CECR2: variants seen among roughly 807,000 people sequenced by gnomAD.
CECR2 encodes the protein CECR2 histone acetyl-lysine reader, also known as chromatin remodeling regulator CECR2.
A neutral mutation model predicts 154.5 loss-of-function variants in CECR2; 30 were observed. That is an observed-to-expected ratio of 0.19 (90% CI 0.15 to 0.26). CECR2 has a LOEUF of 0.26. CECR2 is among the 10% of genes least tolerant of loss of function. CECR2 has a pLI of 1.00. For synonymous variants in CECR2, 725 were observed against 683.7 expected (o/e 1.06, Z -0.94); for missense variants, 1,743 against 1,829.3 (o/e 0.95, Z 0.86).
intron 1 of CECR2, among the ~76,000 whole-genome samples, chr22:17,390,330 G>A (rs895356605): frequency 6.6e-6 from 1 of 152,202 alleles, no homozygotes; most frequent in African/African-American, 2.4e-5. Flanking sequence ...CGTGCCCTTG[G>A]TGCATAGTAT....
chr22:17,454,083 G>A (rs2054815097), intron 1 of CECR2, among the ~76,000 whole-genome samples: 1 of 152,150 alleles, frequency 6.6e-6, no homozygotes, highest in South Asian at 2.1e-4. Context: ...TTGTAAAATG[G>A]ACCAGTGCAT....
chr22:17,493,536 G>C (rs1167139758), intron 2 of CECR2, among the ~76,000 whole-genome samples: 1 of 152,122 alleles, frequency 6.6e-6, no homozygotes. Flanking sequence ...TAGATTTCTA[G>C]GAGAAGGTTG....
Position 17,541,943 on chromosome 22 carries a change from G to A in CECR2, c.1989G>A (p.Gln663=), listed in dbSNP as rs1399081918. Residue 663 remains glutamine (Q), a synonymous_variant, in exon 15 of 19, where the codon CAG becomes CAA. Transcript: ENST00000262608. ...AGCCACACCCCGGGGAGCCTGTGCA[G>A]CAGCGTCAGCCTTTCACCATGCAGG... is the stretch of plus-strand genomic sequence containing the variant. The part of the protein sequence containing the change: ...VPEPHPGEPV[Q]QRQPFTMQPP... 5 of 1,613,728 alleles carry A rather than the reference G, an allele frequency of 3.1e-6. No homozygotes were observed. Among genetic ancestry groups the A allele is most frequent in the African/African-American group, 1.3e-5 (1 of 74,930 alleles).
At chr22:17,361,035 T>G (rs2062974189) in intron 1 of CECR2, among the ~76,000 whole-genome samples, 2 of 151,984 alleles carry the variant, frequency 1.3e-5, no homozygotes, top group South Asian at 4.1e-4. Flanking sequence ...TCGTGGTGTG[T>G]GCATGTGGTC....
intron 2 of CECR2, among the ~76,000 whole-genome samples, chr22:17,492,936 C>T (rs965990743): frequency 6.6e-6 from 1 of 152,060 alleles, no homozygotes; most frequent in African/African-American, 2.4e-5. Context: ...CACAGTGCCA[C>T]TGTTCTTTTT....
chr22:17,456,369 A>G (rs541194357), intron 1 of CECR2, among the ~76,000 whole-genome samples: 27 of 152,248 alleles, frequency 1.8e-4, no homozygotes, highest in African/African-American at 6.3e-4. Context: ...CCATTCTTCT[A>G]AGAGGTGAAA....
intron 1 of CECR2, among the ~76,000 whole-genome samples, chr22:17,447,940 A>G (rs2054703526): frequency 6.6e-6 from 1 of 152,080 alleles, no homozygotes; most frequent in African/African-American, 2.4e-5. Flanking sequence ...TGTGTTGGAC[A>G]GTGCAAATAG....
At chr22:17,438,342 A>G (rs916564440) in intron 1 of CECR2, among the ~76,000 whole-genome samples, 16 of 148,048 alleles carry the variant, frequency 1.1e-4, no homozygotes, top group African/African-American at 3.9e-4. Flanking sequence ...TTCCTTTCTC[A>G]TCACATGTTT....
intron 7 of CECR2, among the ~76,000 whole-genome samples, chr22:17,511,446 G>A (rs936392500): frequency 6.6e-6 from 1 of 151,924 alleles, no homozygotes. Context: ...TGCTCCTGAT[G>A]CCCCCTCCCA....
At chr22:17,361,002 A>G (rs568674655) in intron 1 of CECR2, among the ~76,000 whole-genome samples, 5 of 152,164 alleles carry the variant, frequency 3.3e-5, no homozygotes, top group African/African-American at 1.2e-4. Flanking sequence ...ATCTCTACAA[A>G]AAATAAAAAA....
chr22:17,544,049 A>T (rs1569155363), intron 16 of CECR2, among the ~76,000 whole-genome samples: 1 of 152,172 alleles, frequency 6.6e-6, no homozygotes, highest in African/African-American at 2.4e-5. Flanking sequence ...CCACTGCATC[A>T]TCATAGTTCC....
At chr22:17,455,565 T>C (rs570800009) in intron 1 of CECR2, among the ~76,000 whole-genome samples, 1 of 152,324 alleles carries the variant, frequency 6.6e-6, no homozygotes, top group Admixed American at 6.5e-5. Flanking sequence ...AGGTATCCAT[T>C]GATGTGTATG....
chr22:17,397,019 G>T (rs533189132), intron 1 of CECR2, among the ~76,000 whole-genome samples: 8 of 152,198 alleles, frequency 5.3e-5, no homozygotes, highest in Non-Finnish European at 1.2e-4. Context: ...GGAATCTGTG[G>T]CAGTTAGTGG....
chr22:17,398,658 G>A (rs2053848913), intron 1 of CECR2, among the ~76,000 whole-genome samples: 1 of 151,904 alleles, frequency 6.6e-6, no homozygotes. Flanking sequence ...CTTTAGAAAT[G>A]GGAATAAACA....
intron 1 of CECR2, among the ~76,000 whole-genome samples, chr22:17,442,679 C>G (rs979474558): frequency 6.6e-6 from 1 of 152,184 alleles, no homozygotes; most frequent in Non-Finnish European, 1.5e-5. Context: ...TCCCGAGTAG[C>G]TGGGATTACA....
At chr22:17,471,659 C>T (rs1255621234) in intron 1 of CECR2, among the ~76,000 whole-genome samples, 1 of 152,064 alleles carries the variant, frequency 6.6e-6, no homozygotes, top group African/African-American at 2.4e-5. Flanking sequence ...CCTCAGCCTC[C>T]CCGGTAGTTG....
intron 16 of CECR2, among the ~76,000 whole-genome samples, chr22:17,545,393 A>G (rs971350659): frequency 6.6e-6 from 1 of 150,504 alleles, no homozygotes; most frequent in African/African-American, 2.5e-5. Context: ...AAAAAAAAAA[A>G]AAAAGAAATG....
chr22:17,429,187 G>T (rs2054380947), intron 1 of CECR2, among the ~76,000 whole-genome samples: 1 of 151,950 alleles, frequency 6.6e-6, no homozygotes, highest in African/African-American at 2.4e-5. Flanking sequence ...GGTCTAGGGT[G>T]GATATGGAGA....
intron 3 of CECR2, among the ~76,000 whole-genome samples, chr22:17,498,963 A>G (rs190004170): frequency 6.6e-6 from 1 of 151,924 alleles, no homozygotes; most frequent in African/African-American, 2.4e-5. Flanking sequence ...AAATTACATA[A>G]GATACTTGGA....
Sources: allele counts gnomAD v4.1 joint callset (sites outside exome capture counted in the v4.1 genomes callset), GRCh38; gene constraint gnomAD v4.1.1; transcripts MANE v1.5; gene names NCBI Gene and HGNC (gene_info 2026-07-23, HGNC 2026-07-21).